Variants in TRPM3 observed in about 807,000 individuals in gnomAD.
TRPM3 encodes the protein transient receptor potential cation channel subfamily M member 3, also known as long transient receptor potential channel 3.
TRPM3 carries 77 observed loss-of-function variants against 181.2 expected under a neutral mutation model. The observed-to-expected ratio is 0.42, with a 90% CI of 0.35 to 0.51. The LOEUF (loss-of-function observed/expected upper bound fraction) is 0.51. Among genes scored for constraint, TRPM3 ranks in the 20% least tolerant of loss-of-function variants. The pLI, the probability that TRPM3 is intolerant of heterozygous loss-of-function variation, is 0.01. For synonymous variants in TRPM3, 745 were observed against 796.4 expected (o/e 0.94, Z 1.09); for missense variants, 1,759 against 2,196.7 (o/e 0.80, Z 3.98).
intron 14 of TRPM3, among the ~76,000 whole-genome samples, chr9:70,624,706 T>A (rs2064218315): frequency 6.6e-6 from 1 of 152,210 alleles, no homozygotes; most frequent in East Asian, 1.9e-4. Context: ...AATCCACAAG[T>A]AGATATCTAG....
At chr9:70,842,485 C>T (rs10119412) in intron 5 of TRPM3, among the ~76,000 whole-genome samples, 1 of 151,904 alleles carries the variant, frequency 6.6e-6, no homozygotes, top group Non-Finnish European at 1.5e-5. Flanking sequence ...ATTAATTCTT[C>T]GCCACTTTTA....
chr9:71,390,331 T>C (rs2093034004), intron 1 of TRPM3, among the ~76,000 whole-genome samples: 1 of 152,070 alleles, frequency 6.6e-6, no homozygotes, highest in Non-Finnish European at 1.5e-5. Flanking sequence ...GTAAATTCAC[T>C]GTATCAACTA....
intron 8 of TRPM3, among the ~76,000 whole-genome samples, chr9:70,694,941 A>T (rs2069842680): frequency 6.6e-6 from 1 of 152,208 alleles, no homozygotes; most frequent in Non-Finnish European, 1.5e-5. Flanking sequence ...TCTTATGCCT[A>T]CAAAGTAAGC....
chr9:71,301,355 G>A (rs2086757632), intron 1 of TRPM3, among the ~76,000 whole-genome samples: 1 of 152,042 alleles, frequency 6.6e-6, no homozygotes, highest in Non-Finnish European at 1.5e-5. Context: ...ATAATTCCCA[G>A]GAGGGAAAAC....
intron 1 of TRPM3, among the ~76,000 whole-genome samples, chr9:71,058,041 T>C (rs2060869421): frequency 6.6e-6 from 1 of 152,068 alleles, no homozygotes; most frequent in Non-Finnish European, 1.5e-5. Context: ...GTGTTATCAA[T>C]GGTACAGATA....
chr9:70,837,386 T>C (rs2094393451), intron 5 of TRPM3, among the ~76,000 whole-genome samples: 1 of 152,178 alleles, frequency 6.6e-6, no homozygotes. Context: ...AATAAATCTA[T>C]AGTTTAGGGA....
At chr9:71,070,611 A>G (rs372893542) in intron 1 of TRPM3, among the ~76,000 whole-genome samples, 3 of 152,254 alleles carry the variant, frequency 2.0e-5, no homozygotes, top group African/African-American at 7.2e-5. Flanking sequence ...TTCACTGTCA[A>G]CTGATACCCA....
At chr9:71,115,789 A>C (rs1303684231) in intron 1 of TRPM3, among the ~76,000 whole-genome samples, 1 of 152,204 alleles carries the variant, frequency 6.6e-6, no homozygotes, top group African/African-American at 2.4e-5. Flanking sequence ...AAAGGTCATC[A>C]GGAGACAGAA....
At chr9:71,205,687 C>T (rs1244083214) in intron 1 of TRPM3, among the ~76,000 whole-genome samples, 1 of 152,178 alleles carries the variant, frequency 6.6e-6, no homozygotes, top group Non-Finnish European at 1.5e-5. Flanking sequence ...ACTATGTAGT[C>T]AGAAAGTTAT....
intron 5 of TRPM3, among the ~76,000 whole-genome samples, chr9:70,829,658 A>G (rs2093770290): frequency 6.6e-6 from 1 of 152,182 alleles, no homozygotes. Context: ...GTTAATTCAC[A>G]GCTTCATTTA....
intron 1 of TRPM3, among the ~76,000 whole-genome samples, chr9:71,106,665 T>C (rs546942480): frequency 6.6e-6 from 1 of 152,312 alleles, no homozygotes; most frequent in East Asian, 1.9e-4. Flanking sequence ...CACTGCTCAC[T>C]ATTCCCTTTG....
chr9:70,819,688 G>T (rs184693844), intron 6 of TRPM3, among the ~76,000 whole-genome samples: 1 of 152,220 alleles, frequency 6.6e-6, no homozygotes, highest in East Asian at 1.9e-4. Context: ...TCTGCCATGG[G>T]GAAATAATCC....
chr9:71,393,682 C>T (rs529941917), intron 1 of TRPM3, among the ~76,000 whole-genome samples: 3 of 152,242 alleles, frequency 2.0e-5, no homozygotes, highest in Admixed American at 6.5e-5. Flanking sequence ...CCCTTCCAAC[C>T]GCACACAGCC....
At chr9:70,760,814 T>A (rs1425979678) in intron 8 of TRPM3, 1 of 152,048 alleles carries the variant, frequency 6.6e-6, no homozygotes, top group Non-Finnish European at 1.5e-5. Context: ...ACTTTCTGAA[T>A]AAAAATACTC....
chr9:70,882,226 T>C (rs1480196828), intron 1 of TRPM3, among the ~76,000 whole-genome samples: 1 of 152,200 alleles, frequency 6.6e-6, no homozygotes, highest in African/African-American at 2.4e-5. Context: ...CTCATTTTGT[T>C]ACATGCCTAT....
chr9:70,774,255 C>A, intron 7 of TRPM3: 2 of 154,352 alleles, frequency 1.3e-5, no homozygotes, highest in South Asian at 1.8e-4. Context: ...TCTTCCTCCT[C>A]CTCTTCAGCC....
intron 1 of TRPM3, among the ~76,000 whole-genome samples, chr9:71,208,240 G>A (rs568761562): frequency 2.0e-5 from 3 of 152,098 alleles, no homozygotes; most frequent in African/African-American, 7.2e-5. Context: ...ACCTTAGCTG[G>A]AACTGATTAC....
intron 3 of TRPM3, 126 bp from the exon 4 acceptor site, chr9:70,846,717 T>A (rs1348853951): frequency 1.1e-5 from 8 of 701,430 alleles, no homozygotes; most frequent in African/African-American, 5.4e-5. Flanking sequence ...CAGATTTTTT[T>A]AAAAGGGGTG....
rs1356449911 is a variant in TRPM3, at chr9:70,619,093, T to G, written c.2132A>C (p.Asp711Ala). ...GAGCTCCACAGCCAGCTGGCCAAAGTCTCTGAAAGACAGAATGGGTGGAAG... is the reference window on the plus strand; with the variant it reads ...GAGCTCCACAGCCAGCTGGCCAAAGGCTCTGAAAGACAGAATGGGTGGAAG... ...ISQELNHNSR[D>A]FGQLAVELLD... The change falls in exon 17 of 26, where the codon GAC (aspartate) becomes GCC (alanine). Residue 711 changes from aspartate (D) to alanine (A), a missense_variant and splice_region_variant. Coordinates refer to ENST00000677713, the MANE Select transcript of TRPM3 (RefSeq NM_001366145.2). The G allele has an allele frequency of 5.0e-6, 8 of 1,612,176 alleles. No individual in the cohort carries two copies. The highest frequency in any genetic ancestry group is 6.8e-6 in the Non-Finnish European group (8 of 1,179,162).
Sources: gnomAD v4.1 joint callset for allele counts (sites outside exome capture counted in the v4.1 genomes callset) on GRCh38, gnomAD v4.1.1 for gene constraint, MANE v1.5 for transcripts, NCBI Gene and HGNC (gene_info 2026-07-23, HGNC 2026-07-21) for gene names.